MED13L: variants seen among roughly 807,000 people sequenced by gnomAD.
MED13L encodes mediator of RNA polymerase II transcription subunit 13-like.
A neutral mutation model predicts 220.9 loss-of-function variants in MED13L; 7 were observed. The observed-to-expected ratio is 0.03, with a 90% CI of 0.02 to 0.06. MED13L has a LOEUF of 0.06. MED13L is among the 10% of genes least tolerant of loss of function. The probability of loss-of-function intolerance (pLI) is 1.00; values close to 1 mark genes in which losing one functional copy is unlikely to be tolerated. For missense variants in MED13L, 1,965 were observed against 2,760.5 expected (o/e 0.71, Z 6.46); for synonymous variants, 1,011 against 1,015.2 (o/e 1.00, Z 0.08).
At chr12:116,025,474 A>G (rs1204206297) in intron 4 of MED13L, among the ~76,000 whole-genome samples, 1 of 152,206 alleles carries the variant, frequency 6.6e-6, no homozygotes, top group Admixed American at 6.5e-5. Context: ...ATATGGAATC[A>G]ACCTAAGTGT....
At chr12:116,062,392 A>C (rs1051891010) in intron 4 of MED13L, among the ~76,000 whole-genome samples, 1 of 151,868 alleles carries the variant, frequency 6.6e-6, no homozygotes, top group Non-Finnish European at 1.5e-5. Flanking sequence ...GAGCTCAAGC[A>C]ATCTGCCCAC....
At chr12:116,270,393 T>A (rs1460958688) in intron 1 of MED13L, among the ~76,000 whole-genome samples, 1 of 152,050 alleles carries the variant, frequency 6.6e-6, no homozygotes, top group African/African-American at 2.4e-5. Context: ...CCGCCTGCCT[T>A]GGCCTCCCCG....
At chr12:116,058,347 T>TA (rs1316875768) in intron 4 of MED13L, among the ~76,000 whole-genome samples, 5 of 152,208 alleles carry the variant, frequency 3.3e-5, no homozygotes, top group African/African-American at 1.2e-4. Context: ...TATTTCAACC[T>TA]AAGCAATATT....
intron 1 of MED13L, among the ~76,000 whole-genome samples, chr12:116,251,298 A>G (rs780768579): frequency 5.1e-5 from 7 of 137,142 alleles, no homozygotes; most frequent in Non-Finnish European, 1.1e-4. Context: ...AGAGATTCTC[A>G]TCATGGATCC....
Position 116,156,702 on chromosome 12 carries a change from T to A in MED13L, c.311-45190A>T, listed in dbSNP as rs74526933. ...GTTCTCAAAATGCAAATATATTTTA[T>A]CTGAAGTGTTCCCTCAAATTAGAGG... On this transcript the variant is annotated intron_variant, in intron 2 of 30. Coordinates refer to ENST00000281928, the MANE Select transcript of MED13L (RefSeq NM_015335.5). Among the ~76,000 whole-genome samples the A allele has an allele frequency of 6.5e-3, 996 of 152,328 alleles. 9 individuals carry two copies. The highest frequency in any genetic ancestry group is 0.022 in the African/African-American group (935 of 41,572).
At chr12:116,019,540 C>T (rs1389119667) in intron 6 of MED13L, 128 bp from the exon 7 acceptor site, 2 of 1,176,218 alleles carry the variant, frequency 1.7e-6, no homozygotes, top group Non-Finnish European at 2.5e-6. Flanking sequence ...AGGCTCCATT[C>T]TTTCATAAGT....
intron 2 of MED13L, among the ~76,000 whole-genome samples, chr12:116,118,826 C>T (rs1244923095): frequency 4.6e-5 from 7 of 152,176 alleles, no homozygotes; most frequent in Non-Finnish European, 1.0e-4. Context: ...TCTCAAAAAG[C>T]TAACACATGT....
chr12:116,182,892 T>C (rs532378040), intron 2 of MED13L, among the ~76,000 whole-genome samples: 3 of 152,356 alleles, frequency 2.0e-5, no homozygotes, highest in East Asian at 1.9e-4. Flanking sequence ...CTGCTCTTCA[T>C]GTGCTACACA....
rs1479445259 is a variant in MED13L, at chr12:115,991,566, T to C, written c.3388A>G (p.Ser1130Gly). Reference sequence around the variant, plus strand: ...ATGTTGCAGGCACAGATGCAACAGCTGTCAAAGTTTCTGTCTTTAAAGATA... The same window carrying C: ...ATGTTGCAGGCACAGATGCAACAGCCGTCAAAGTTTCTGTCTTTAAAGATA... Reference protein sequence around the residue: ...MNIFKDRNFDSCCICACNMNI... With the variant: ...MNIFKDRNFDGCCICACNMNI... Residue 1130 changes from serine to glycine, a missense_variant, in exon 17 of 31, where the codon AGC (serine) becomes GGC (glycine). By Grantham distance (56) the Ser-to-Gly change is moderately conservative. Around this residue, in one of 10 missense-constraint regions of MED13L, gnomAD observed 18 missense variants for 72.4 expected, o/e 0.25. Coordinates refer to ENST00000281928, the MANE Select transcript of MED13L (RefSeq NM_015335.5). This position sits in a 1 kb window ranked among gnomAD's most constrained non-coding sequence, Gnocchi z 7.7. 6.2e-7 allele frequency: 1 copy of C among 1,614,016 alleles called. No individual in the cohort carries two copies. The highest frequency in any genetic ancestry group is 8.5e-7 in the Non-Finnish European group (1 of 1,180,018).
chr12:116,005,389 A>C (rs1472095408), intron 13 of MED13L, among the ~76,000 whole-genome samples: 1 of 152,196 alleles, frequency 6.6e-6, no homozygotes, highest in Non-Finnish European at 1.5e-5. Flanking sequence ...TTCTATGTAT[A>C]TAAATTCTAT....
chr12:115,975,410 A>C, intron 24 of MED13L, 97 bp from the exon 25 acceptor site: 5 of 1,598,952 alleles, frequency 3.1e-6, no homozygotes, highest in Non-Finnish European at 4.3e-6. Flanking sequence ...CAAAGAACCT[A>C]TCCATGCTGT....
chr12:116,015,039 G>A (rs1460465720), intron 8 of MED13L, 70 bp downstream of exon 8: 5 of 1,481,754 alleles, frequency 3.4e-6, no homozygotes, highest in Non-Finnish European at 4.7e-6. Context: ...CAATGTGATT[G>A]ACATTTTCCA....
At position 115,991,755 on chromosome 12, in the gene MED13L, T is replaced by C; in HGVS notation, c.3199A>G (p.Ser1067Gly). ...TCATACTTAACAGACCCTTGACCAC[T>C]GGCAGTGCCCCCACCTCTGGGAGTT... ...PRTPRGGGTA[S>G]GQGSVKYDST... Residue 1067 changes from serine to glycine, a missense_variant, in exon 17 of 31, where the codon AGT (serine) becomes GGT (glycine). Around this residue, in one of 10 missense-constraint regions of MED13L, gnomAD observed 233 missense variants for 306.2 expected, o/e 0.76. Transcript: ENST00000281928. This position sits in a 1 kb window ranked among gnomAD's most constrained non-coding sequence, Gnocchi z 7.7. 1 of 1,613,906 alleles carries C rather than the reference T, an allele frequency of 6.2e-7. No individual in the cohort carries two copies. The highest frequency in any genetic ancestry group is 8.5e-7 in the Non-Finnish European group (1 of 1,179,918).
chr12:116,128,739 CAAAAT>C (rs1329781530), intron 2 of MED13L, among the ~76,000 whole-genome samples: 6 of 152,092 alleles, frequency 3.9e-5, no homozygotes, highest in Admixed American at 2.0e-4. Context: ...TCTGAAATAA[CAAAAT>C]AAAGTTACAC....
chr12:116,000,506 GTTGAT>G (rs1175914346), intron 14 of MED13L, among the ~76,000 whole-genome samples: 1 of 152,148 alleles, frequency 6.6e-6, no homozygotes, highest in Non-Finnish European at 1.5e-5. Flanking sequence ...AAGCAGCATT[GTTGAT>G]TTCTTAGTGT....
intron 2 of MED13L, among the ~76,000 whole-genome samples, chr12:116,206,575 C>T (rs576745689): frequency 3.9e-5 from 6 of 151,900 alleles, no homozygotes; most frequent in African/African-American, 1.4e-4. Context: ...TAACAATATA[C>T]AAAATTAGCA....
chr12:116,074,944 G>C (rs936466983), intron 4 of MED13L, among the ~76,000 whole-genome samples: 1 of 152,228 alleles, frequency 6.6e-6, no homozygotes, highest in Non-Finnish European at 1.5e-5. Flanking sequence ...GCTTTATTGC[G>C]CAAGCAAGGT....
chr12:116,082,060 A>T (rs1338241208), intron 4 of MED13L, among the ~76,000 whole-genome samples: 2 of 152,234 alleles, frequency 1.3e-5, no homozygotes, highest in Non-Finnish European at 2.9e-5. Flanking sequence ...ATTAAATAGA[A>T]GGCTAAGGAC....
chr12:116,254,334 A>T (rs1011488010), intron 1 of MED13L, among the ~76,000 whole-genome samples: 3 of 152,132 alleles, frequency 2.0e-5, no homozygotes, highest in African/African-American at 7.3e-5. Flanking sequence ...CGTTTTTTAA[A>T]ATCCAAGGAT....
Sources: allele counts gnomAD v4.1 joint callset (sites outside exome capture counted in the v4.1 genomes callset), GRCh38; gene constraint gnomAD v4.1.1; regional missense constraint gnomAD v4.1.1; non-coding constraint Gnocchi (gnomAD v3.1); transcripts MANE v1.5; gene names NCBI Gene and HGNC (gene_info 2026-07-23, HGNC 2026-07-21).